The following RHOJ variants were observed in gnomAD, a reference collection of about 807,000 sequenced individuals.
RHOJ encodes the protein rho-related GTP-binding protein RhoJ.
RHOJ carries 11 observed loss-of-function variants against 23.4 expected under a neutral mutation model. The ratio of observed to expected loss-of-function variants is 0.47; its 90% CI spans 0.30 to 0.78. The LOEUF is 0.78. RHOJ is among the 30% of genes least tolerant of loss of function. RHOJ has a pLI of 0.08. For missense variants in RHOJ, 254 were observed against 273.4 expected (o/e 0.93, Z 0.50); for synonymous variants, 102 against 102.7 (o/e 0.99, Z 0.04).
intron 2 of RHOJ, among the ~76,000 whole-genome samples, chr14:63,279,350 T>C: frequency 6.6e-6 from 1 of 152,372 alleles, no homozygotes; most frequent in Non-Finnish European, 1.5e-5. Context: ...AAATTATGTA[T>C]GGTGTGTATG....
chr14:63,255,384 G>C (rs551079037), intron 1 of RHOJ, among the ~76,000 whole-genome samples: 1 of 152,170 alleles, frequency 6.6e-6, no homozygotes, highest in Non-Finnish European at 1.5e-5. Context: ...AACCACCTTA[G>C]GGGCTCAGAG....
rs181411397 is a variant in RHOJ at position 63,239,332 on chromosome 14, G to A, written c.179-29778G>A. Among the ~76,000 whole-genome samples the A allele has an allele frequency of 5.9e-3, 897 of 152,060 alleles. 7 individuals carry two copies. The highest frequency in any genetic ancestry group is 0.02 in the African/African-American group (828 of 41,478). On this transcript the variant is annotated intron_variant, in intron 1 of 4. Coordinates refer to ENST00000316754, the MANE Select transcript of RHOJ (RefSeq NM_020663.5). ...TCGCCATGTTGGCCAGGCTAGTCTC[G>A]AACTCCTGACCTCAAGTGATCCGCC...
At chr14:63,239,019 C>A (rs1894838102) in intron 1 of RHOJ, among the ~76,000 whole-genome samples, 1 of 152,194 alleles carries the variant, frequency 6.6e-6, no homozygotes, top group Non-Finnish European at 1.5e-5. Context: ...AGTGGGGGCC[C>A]AACTTAGCAT....
At chr14:63,215,877 A>G (rs935285216) in intron 1 of RHOJ, among the ~76,000 whole-genome samples, 2 of 152,170 alleles carry the variant, frequency 1.3e-5, no homozygotes, top group Non-Finnish European at 2.9e-5. Flanking sequence ...ATGAGCCTAC[A>G]ACATAATAGC....
At chr14:63,246,109 C>T (rs866364071) in intron 1 of RHOJ, among the ~76,000 whole-genome samples, 4 of 152,192 alleles carry the variant, frequency 2.6e-5, no homozygotes, top group Admixed American at 6.5e-5. Flanking sequence ...GGCCAAGCTC[C>T]AGAGAAGGGC....
At chr14:63,226,487 C>G (rs1894596123) in intron 1 of RHOJ, among the ~76,000 whole-genome samples, 1 of 150,126 alleles carries the variant, frequency 6.7e-6, no homozygotes, top group Admixed American at 6.6e-5. Context: ...GAAAAGTAAG[C>G]CAGATGTAAC....
intron 1 of RHOJ, among the ~76,000 whole-genome samples, chr14:63,247,328 T>G (rs902875756): frequency 6.6e-6 from 1 of 152,190 alleles, no homozygotes; most frequent in Non-Finnish European, 1.5e-5. Context: ...GCTCACCAAA[T>G]GTATCTGAGC....
chr14:63,289,544 T>A (rs573242637), intron 4 of RHOJ, among the ~76,000 whole-genome samples: 1 of 152,380 alleles, frequency 6.6e-6, no homozygotes, highest in Non-Finnish European at 1.5e-5. Flanking sequence ...CTAAAGTCAT[T>A]TCTCCAGATG....
chr14:63,205,801 C>T (rs1379693442), intron 1 of RHOJ, among the ~76,000 whole-genome samples: 2 of 152,146 alleles, frequency 1.3e-5, no homozygotes, highest in Non-Finnish European at 2.9e-5. Context: ...TGCGAGTGTT[C>T]TAAAGTTTGT....
chr14:63,266,358 C>G (rs1015509671), intron 1 of RHOJ, among the ~76,000 whole-genome samples: 4 of 152,150 alleles, frequency 2.6e-5, no homozygotes, highest in Non-Finnish European at 5.9e-5. Context: ...CATGTCCCAC[C>G]CAGCCCCGCT....
chr14:63,214,604 C>T (rs4899110), intron 1 of RHOJ, among the ~76,000 whole-genome samples: 78,807 of 151,966 alleles, frequency 0.52, 22,018 homozygotes, highest in South Asian at 0.77. Flanking sequence ...AGATCTGTAC[C>T]TGCGGTGGGG....
intron 4 of RHOJ, among the ~76,000 whole-genome samples, chr14:63,286,656 C>T (rs1478082422): frequency 4.6e-5 from 7 of 152,184 alleles, no homozygotes; most frequent in Non-Finnish European, 1.0e-4. Context: ...TTCAGAAGGT[C>T]GAGCAACTCT....
intron 1 of RHOJ, among the ~76,000 whole-genome samples, chr14:63,231,354 G>A (rs766877573): frequency 2.0e-5 from 3 of 152,150 alleles, no homozygotes; most frequent in Non-Finnish European, 4.4e-5. Context: ...TAATTCACTA[G>A]TGAACACAAC....
chr14:63,255,041 A>T (rs1377685533), intron 1 of RHOJ, among the ~76,000 whole-genome samples: 1 of 152,148 alleles, frequency 6.6e-6, no homozygotes, highest in Non-Finnish European at 1.5e-5. Context: ...TGAGGCCATG[A>T]TCCCCTTAAT....
At chr14:63,246,754 A>G (rs1894982509) in intron 1 of RHOJ, among the ~76,000 whole-genome samples, 1 of 152,158 alleles carries the variant, frequency 6.6e-6, no homozygotes, top group Non-Finnish European at 1.5e-5. Context: ...GTTTTGCTAT[A>G]TATTTATAAG....
Position 63,289,393 on chromosome 14 carries a change from T to C in RHOJ, c.499-1485T>C, listed in dbSNP as rs190722034. Among the ~76,000 whole-genome samples, 138 of 152,334 alleles carry C rather than the reference T, an allele frequency of 9.1e-4. No homozygotes were observed. In the Middle Eastern group the frequency reaches 0.01, roughly 11 times the overall value. Reference sequence around the variant, plus strand: ...GCCCCACTTTATCATTTACATAAGCTATTGGGCATAATAGGCCTATGATTT... The same window carrying C: ...GCCCCACTTTATCATTTACATAAGCCATTGGGCATAATAGGCCTATGATTT... On this transcript the variant is annotated intron_variant, in intron 4 of 4. Coordinates refer to ENST00000316754, the MANE Select transcript of RHOJ (RefSeq NM_020663.5).
intron 4 of RHOJ, among the ~76,000 whole-genome samples, chr14:63,283,598 G>C (rs1327568669): frequency 6.6e-6 from 1 of 152,104 alleles, no homozygotes; most frequent in African/African-American, 2.4e-5. Flanking sequence ...CCCCATAAGA[G>C]GCATTTTGTG....
chr14:63,239,344 T>G (rs1894844959), intron 1 of RHOJ, among the ~76,000 whole-genome samples: 1 of 152,050 alleles, frequency 6.6e-6, no homozygotes, highest in Admixed American at 6.6e-5. Flanking sequence ...ACTCCTGACC[T>G]CAAGTGATCC....
chr14:63,232,614 A>G (rs1005134758), intron 1 of RHOJ, among the ~76,000 whole-genome samples: 1 of 152,086 alleles, frequency 6.6e-6, no homozygotes, highest in African/African-American at 2.4e-5. Flanking sequence ...TGTAAGATCG[A>G]GAGGCAATAA....
Sources: allele counts gnomAD v4.1 joint callset (sites outside exome capture counted in the v4.1 genomes callset), GRCh38; gene constraint gnomAD v4.1.1; transcripts MANE v1.5; gene names NCBI Gene and HGNC (gene_info 2026-07-23, HGNC 2026-07-21).